The following DIPK2A variants were observed in gnomAD, a reference collection of about 807,000 sequenced individuals.
The protein encoded by DIPK2A is divergent protein kinase domain 2A.
DIPK2A carries 27 observed loss-of-function variants against 39.0 expected under a neutral mutation model. The ratio of observed to expected loss-of-function variants is 0.69; its 90% CI spans 0.51 to 0.96. The LOEUF (loss-of-function observed/expected upper bound fraction) is 0.96. Among genes scored for constraint, DIPK2A ranks in the 40% least tolerant of loss-of-function variants. The pLI, the probability that DIPK2A is intolerant of heterozygous loss-of-function variation, is 0.00. For synonymous variants in DIPK2A, 298 were observed against 240.8 expected (o/e 1.24, Z -2.20); for missense variants, 528 against 571.3 (o/e 0.92, Z 0.77).
chr3:143,990,630 TAAG>T lies in DIPK2A; in HGVS notation c.*795_*797del, dbSNP rs1388152616. On this transcript the variant is annotated 3_prime_UTR_variant, in exon 3 of 3. Transcript: ENST00000315691. ...GTCATTTTATCTTTTCTAAAGGCTT[TAAG>T]AAGAATATACTAGAATCTATATATT... 6.6e-6 allele frequency: 1 copy of T among 152,544 alleles called. No individual in the cohort carries two copies. Among genetic ancestry groups the T allele is most frequent in the East Asian group, 1.9e-4 (1 of 5,202 alleles). The allele number at this position is 152,544 out of a possible 1,614,324, so 9.4% of individuals were successfully genotyped here. A position where few individuals can be genotyped will look rare whatever the true frequency, so the allele number is the denominator to read the frequency against.
chr3:143,989,820 A>G lies in DIPK2A; in HGVS notation c.1272A>G (p.Gln424=). The G allele has an allele frequency of 3.1e-6, 5 of 1,613,110 alleles. No individual in the cohort carries two copies. Among genetic ancestry groups the G allele is most frequent in the Non-Finnish European group, 4.2e-6 (5 of 1,179,180 alleles). The change falls in exon 3 of 3, where the codon CAA becomes CAG. Residue 424 remains glutamine (Q), a synonymous_variant. Transcript: ENST00000315691. The stretch of plus-strand genomic sequence containing the variant: ...AAGAACTGCGTGAATACCTAGCACA[A>G]TTAAGTAACAACGTGAGGTAGTCTA... ...AAKELREYLA[Q]LSNNVR
chr3:143,988,337 C>T lies in DIPK2A; in HGVS notation c.962-1173C>T, dbSNP rs117782436. On this transcript the variant is annotated intron_variant, in intron 2 of 2. Transcript: ENST00000315691. Reference sequence around the variant, plus strand: ...CTGGTCTCAAACTTGTGGGCTTAAGCAGTCCTCCCACCTTGGCCTCTCAAA... The same window carrying T: ...CTGGTCTCAAACTTGTGGGCTTAAGTAGTCCTCCCACCTTGGCCTCTCAAA... 1.2e-4 allele frequency among the ~76,000 whole-genome samples: 18 copies of T among 152,184 alleles called. No homozygotes were observed. In the East Asian group the frequency reaches 2.7e-3, roughly 23 times the overall value.
At chr3:143,981,058 C>G (rs1470193310) in intron 1 of DIPK2A, among the ~76,000 whole-genome samples, 1 of 152,134 alleles carries the variant, frequency 6.6e-6, no homozygotes, top group Non-Finnish European at 1.5e-5. Context: ...TATCTTTACT[C>G]ATATATTCCA....
chr3:143,984,956 G>A (rs1240678235), intron 1 of DIPK2A, among the ~76,000 whole-genome samples: 2 of 152,178 alleles, frequency 1.3e-5, no homozygotes, highest in African/African-American at 4.8e-5. Flanking sequence ...TTCCTGACTA[G>A]GAAAGGCCCC....
In DIPK2A at chr3:143,986,499, C is replaced by T. The variant is rs962967692; in HGVS notation, c.961+653C>T. Reference sequence around the variant, plus strand: ...CAGCACTTTGGGAGGCCGAGGCGGGCGGATCACGAGGTCAGGAGATCGAGA... The same window carrying T: ...CAGCACTTTGGGAGGCCGAGGCGGGTGGATCACGAGGTCAGGAGATCGAGA... On this transcript the variant is annotated intron_variant, in intron 2 of 2. Transcript: ENST00000315691. Among the ~76,000 whole-genome samples, 432 of 152,010 alleles carry T rather than the reference C, an allele frequency of 2.8e-3. 2 individuals are homozygous for T. The highest frequency in any genetic ancestry group is 9.6e-3 in the African/African-American group (399 of 41,504).
At chr3:143,982,881 T>A in intron 1 of DIPK2A, among the ~76,000 whole-genome samples, 1 of 151,688 alleles carries the variant, frequency 6.6e-6, no homozygotes, top group East Asian at 1.9e-4. Flanking sequence ...ATGAAACATT[T>A]ACCAAGCAAA....
rs544271972 is a variant in DIPK2A at position 143,971,851 on chromosome 3, T to A, written c.-482T>A. ...AGCAAGGGTGTGCGGCTCTGAGACG[T>A]GCGTTGCTGCTTGTGGGTGTGAGAC... On this transcript the variant is annotated 5_prime_UTR_variant, in exon 1 of 3. Coordinates refer to ENST00000315691, the MANE Select transcript of DIPK2A (RefSeq NM_173552.5). The A allele has an allele frequency of 4.5e-5, 7 of 154,418 alleles. No homozygotes were observed. Among genetic ancestry groups the A allele is most frequent in the African/African-American group, 1.7e-4 (7 of 41,656 alleles). The allele number at this position is 154,418 out of a possible 1,614,324, so 9.6% of individuals were successfully genotyped here. A position where few individuals can be genotyped will look rare whatever the true frequency, so the allele number is the denominator to read the frequency against.
chr3:143,989,905 A>C lies in DIPK2A; in HGVS notation c.*64A>C. On this transcript the variant is annotated 3_prime_UTR_variant, in exon 3 of 3. Transcript: ENST00000315691. ...CACTGGCTAAAACTAAACCACCAAA[A>C]AACGATCTGAAAAAATGAAATTTGG... 1 of 1,266,054 alleles carries C rather than the reference A, an allele frequency of 7.9e-7. No homozygotes were observed. Among genetic ancestry groups the C allele is most frequent in the Non-Finnish European group, 1.1e-6 (1 of 907,254 alleles). The allele number at this position is 1,266,054 out of a possible 1,614,324, so 78.4% of individuals were successfully genotyped here.
At chr3:143,980,102 C>T (rs2087805806) in intron 1 of DIPK2A, among the ~76,000 whole-genome samples, 1 of 152,156 alleles carries the variant, frequency 6.6e-6, no homozygotes, top group Non-Finnish European at 1.5e-5. Context: ...ATCTCCCCTC[C>T]AGACAGTTCA....
At chr3:143,975,697 T>C (rs1171133377) in intron 1 of DIPK2A, among the ~76,000 whole-genome samples, 1 of 152,130 alleles carries the variant, frequency 6.6e-6, no homozygotes, top group African/African-American at 2.4e-5. Flanking sequence ...TTAAAAAATA[T>C]ATTTTTAAGA....
Position 143,989,525 on chromosome 3 carries a change from G to A in DIPK2A, c.977G>A (p.Trp326Ter). The A allele has an allele frequency of 3.1e-6, 5 of 1,604,374 alleles. No homozygotes were observed. The highest frequency in any genetic ancestry group is 4.3e-6 in the Non-Finnish European group (5 of 1,172,598). Residue 326 changes from tryptophan (W) to a stop codon, truncating the protein, a stop_gained, in exon 3 of 3, where the codon TGG (tryptophan) becomes TAG (stop). Coordinates refer to ENST00000315691, the MANE Select transcript of DIPK2A (RefSeq NM_173552.5). LOFTEE classifies it high-confidence loss of function. ...CCTTTCACAGATAAACCTGAAAATT[G>A]GGATGTATGGTATGAAAGCAAGTTT... ...RLIRQNKPEN[W>*]DVWYESKFDD...
chr3:143,986,510 G>T (rs973389939), intron 2 of DIPK2A, among the ~76,000 whole-genome samples: 1 of 152,080 alleles, frequency 6.6e-6, no homozygotes, highest in Non-Finnish European at 1.5e-5. Context: ...GGATCACGAG[G>T]TCAGGAGATC....
Position 143,972,797 on chromosome 3 carries a change from G to C in DIPK2A, c.465G>C (p.Leu155=). 6.4e-7 allele frequency: 1 copy of C among 1,566,398 alleles called. No homozygotes were observed. The highest frequency in any genetic ancestry group is 8.6e-7 in the Non-Finnish European group (1 of 1,159,754). ...CGCGCCTCAACGGCGACGTGCGTCT[G>C]CTCACGCCCGAGGCGGTGGAGGGCT... ...EFARLNGDVR[L]LTPEAVEGWS... is the part of the protein sequence containing the mutation. The change falls in exon 1 of 3, where the codon CTG becomes CTC. Residue 155 remains leucine, a synonymous_variant. Coordinates refer to ENST00000315691, the MANE Select transcript of DIPK2A (RefSeq NM_173552.5).
chr3:143,975,504 A>T (rs914444399), intron 1 of DIPK2A, among the ~76,000 whole-genome samples: 1 of 152,128 alleles, frequency 6.6e-6, no homozygotes, highest in African/African-American at 2.4e-5. Flanking sequence ...ACATTCTGTG[A>T]TCAAGTACAA....
At chr3:143,981,620 C>G (rs1420565879) in intron 1 of DIPK2A, among the ~76,000 whole-genome samples, 1 of 151,960 alleles carries the variant, frequency 6.6e-6, no homozygotes. Context: ...ATATATAAAC[C>G]GTTACCTTTA....
intron 2 of DIPK2A, among the ~76,000 whole-genome samples, chr3:143,988,075 C>A (rs2087930672): frequency 1.3e-5 from 2 of 151,576 alleles, no homozygotes; most frequent in Non-Finnish European, 1.5e-5. Context: ...AATCTGTAAT[C>A]TGTGTGACTT....
intron 2 of DIPK2A, among the ~76,000 whole-genome samples, chr3:143,986,681 C>T (rs1306417161): frequency 6.8e-5 from 10 of 147,816 alleles, no homozygotes; most frequent in East Asian, 6.0e-4. Context: ...GCCGAGATTG[C>T]GCCACTGCAC....
rs1288180140 is a variant in DIPK2A at position 143,972,939 on chromosome 3, A to C, written c.607A>C (p.Met203Leu). The change falls in exon 1 of 3, where the codon ATG becomes CTG. Residue 203 changes from methionine (M) to leucine (L), a missense_variant. Coordinates refer to ENST00000315691, the MANE Select transcript of DIPK2A (RefSeq NM_173552.5). ...LLRNLKDSER[M>L]QLLLTLAFNP... ...TCGCAACCTCAAGGACTCGGAGCGC[A>C]TGCAGCTGCTGCTGACCCTGGCCTT... 1.3e-6 allele frequency: 2 copies of C among 1,590,040 alleles called. No homozygotes were observed. Among genetic ancestry groups the C allele is most frequent in the Non-Finnish European group, 1.7e-6 (2 of 1,170,730 alleles).
intron 1 of DIPK2A, chr3:143,973,416 G>C (rs954167931): frequency 3.2e-5 from 50 of 1,550,188 alleles, no homozygotes; most frequent in Non-Finnish European, 4.2e-5. Flanking sequence ...TCTACACCGC[G>C]TTCGCTCTTC....
Sources: gnomAD v4.1 joint callset for allele counts (sites outside exome capture counted in the v4.1 genomes callset) on GRCh38, gnomAD v4.1.1 for gene constraint, MANE v1.5 for transcripts, NCBI Gene and HGNC (gene_info 2026-07-23, HGNC 2026-07-21) for gene names.